The following AGPAT3 variants were observed in gnomAD, a reference collection of about 807,000 sequenced individuals.
The protein encoded by AGPAT3 is 1-acyl-sn-glycerol-3-phosphate acyltransferase gamma.
In AGPAT3, 5 loss-of-function variants were observed where a neutral mutation model predicts 47.3. The ratio of observed to expected loss-of-function variants is 0.11; its 90% CI spans 0.06 to 0.22. The LOEUF is 0.22. Among genes scored for constraint, AGPAT3 ranks in the 10% least tolerant of loss-of-function variants. AGPAT3 has a pLI of 1.00. For missense variants in AGPAT3, 315 were observed against 493.0 expected (o/e 0.64, Z 3.42); for synonymous variants, 212 against 208.3 (o/e 1.02, Z -0.15).
chr21:43,958,363 G>T (rs1480705213), intron 2 of AGPAT3, among the ~76,000 whole-genome samples: 1 of 151,860 alleles, frequency 6.6e-6, no homozygotes, highest in African/African-American at 2.4e-5. Flanking sequence ...AATTGTGTGT[G>T]TGTGGTGTAG....
intron 2 of AGPAT3, among the ~76,000 whole-genome samples, chr21:43,926,687 T>C (rs969963656): frequency 1.4e-5 from 2 of 138,646 alleles, no homozygotes; most frequent in Admixed American, 1.5e-4. Flanking sequence ...GGGCTGGGCA[T>C]AGTGGCTGAT....
intron 2 of AGPAT3, among the ~76,000 whole-genome samples, chr21:43,958,909 G>A (rs1222795782): frequency 2.1e-5 from 3 of 145,832 alleles, no homozygotes; most frequent in African/African-American, 7.6e-5. Flanking sequence ...GTGGTGGGGT[G>A]GTGTGTGTGT....
At chr21:43,875,994 G>T (rs1300085665) in intron 1 of AGPAT3, among the ~76,000 whole-genome samples, 1 of 151,558 alleles carries the variant, frequency 6.6e-6, no homozygotes, top group Non-Finnish European at 1.5e-5. Context: ...TTGCTATGTT[G>T]CCAGGGCTGG....
chr21:43,983,946 G>T lies in AGPAT3; in HGVS notation c.*1554G>T, dbSNP rs763162363. 1 of 152,266 alleles carries T rather than the reference G, an allele frequency of 6.6e-6. No individual in the cohort carries two copies. Among genetic ancestry groups the T allele is most frequent in the African/African-American group, 2.4e-5 (1 of 41,460 alleles). 9.4% of individuals were successfully genotyped at this position (152,266 alleles called of 1,614,324 possible). ...AAAAGTAAACCGAGAACATAATTAGGCATCGGGCCTAAGTGTCCTGGGGAG... is the reference window on the plus strand; with the variant it reads ...AAAAGTAAACCGAGAACATAATTAGTCATCGGGCCTAAGTGTCCTGGGGAG... On this transcript the variant is annotated 3_prime_UTR_variant, in exon 10 of 10. Coordinates refer to ENST00000291572, the MANE Select transcript of AGPAT3 (RefSeq NM_020132.5).
intron 1 of AGPAT3, among the ~76,000 whole-genome samples, chr21:43,899,361 A>G (rs761653170): frequency 1.1e-4 from 17 of 152,078 alleles, no homozygotes; most frequent in Non-Finnish European, 1.8e-4. Context: ...CTTTTTTCTC[A>G]GGTTGCTTCT....
At chr21:43,921,644 C>G (rs550916727) in intron 2 of AGPAT3, among the ~76,000 whole-genome samples, 5 of 152,350 alleles carry the variant, frequency 3.3e-5, no homozygotes, top group African/African-American at 9.6e-5. Context: ...AGACTCTGGG[C>G]TGCACCAGGT....
intron 7 of AGPAT3, among the ~76,000 whole-genome samples, chr21:43,977,811 C>T (rs192697836): frequency 2.0e-5 from 3 of 151,532 alleles, no homozygotes; most frequent in East Asian, 1.9e-4. Flanking sequence ...CACTTGAATC[C>T]GGGAGGCAGA....
chr21:43,910,874 TA>T (rs1238069745), intron 2 of AGPAT3, among the ~76,000 whole-genome samples: 4 of 152,210 alleles, frequency 2.6e-5, no homozygotes, highest in African/African-American at 9.6e-5. Flanking sequence ...GGTTGGAGGT[TA>T]AGGCGCACAA....
intron 2 of AGPAT3, among the ~76,000 whole-genome samples, chr21:43,947,401 G>T (rs960892787): frequency 2.6e-5 from 4 of 152,214 alleles, no homozygotes; most frequent in African/African-American, 9.7e-5. Context: ...AAGAGAGGCC[G>T]ACCAGGGCTG....
At chr21:43,899,896 G>A (rs765104227) in intron 1 of AGPAT3, among the ~76,000 whole-genome samples, 7 of 152,086 alleles carry the variant, frequency 4.6e-5, no homozygotes, top group Non-Finnish European at 1.0e-4. Flanking sequence ...AAGAGGCGAT[G>A]AACTGAGAGG....
At chr21:43,884,283 CCCT>C (rs1276430684) in intron 1 of AGPAT3, among the ~76,000 whole-genome samples, 1 of 148,010 alleles carries the variant, frequency 6.8e-6, no homozygotes, top group Non-Finnish European at 1.5e-5. Context: ...TCCTCCTTCC[CCCT>C]CCTCCTTCTC....
chr21:43,882,111 T>C (rs1049276243), intron 1 of AGPAT3, among the ~76,000 whole-genome samples: 1 of 152,288 alleles, frequency 6.6e-6, no homozygotes, highest in Non-Finnish European at 1.5e-5. Flanking sequence ...CCCTTGTCCC[T>C]TGGGTGAGTC....
At position 43,920,207 on chromosome 21, in the gene AGPAT3, C is replaced by CTG. The variant is rs1265483624; in HGVS notation, c.-49+16203_-49+16204dup. Among the ~76,000 whole-genome samples, 6 of 62,882 alleles carry CTG rather than the reference C, an allele frequency of 9.5e-5. No homozygotes were observed. Among genetic ancestry groups the CTG allele is most frequent in the African/African-American group, 1.6e-4 (3 of 18,938 alleles). 41.3% of individuals were successfully genotyped at this position (62,882 alleles called of 152,430 possible). ...TGGGACACTCATCATGTCTTCAGCC[C>CTG]TGTGTGTGTGTGTGTGAGAGATTGT... On this transcript the variant is annotated intron_variant, in intron 2 of 9. Coordinates refer to ENST00000291572, the MANE Select transcript of AGPAT3 (RefSeq NM_020132.5). This position sits in a 1 kb window ranked among gnomAD's most constrained non-coding sequence, Gnocchi z 6.1.
At chr21:43,913,255 CA>C (rs755876684) in intron 2 of AGPAT3, among the ~76,000 whole-genome samples, 34 of 152,166 alleles carry the variant, frequency 2.2e-4, no homozygotes, top group Non-Finnish European at 2.5e-4. Context: ...CATTCATAGT[CA>C]TATGAAGAGC....
chr21:43,960,076 A>C (rs2088755891), intron 3 of AGPAT3, among the ~76,000 whole-genome samples: 1 of 152,202 alleles, frequency 6.6e-6, no homozygotes, highest in South Asian at 2.1e-4. Flanking sequence ...GACCCATAGC[A>C]ATGGCAGCTT....
chr21:43,958,160 A>G (rs2838449), intron 2 of AGPAT3, among the ~76,000 whole-genome samples: 75,947 of 152,092 alleles, frequency 0.5, 19,779 homozygotes, highest in African/African-American at 0.66. Context: ...CCTTCACCAC[A>G]AGTTAATCAC....
intron 1 of AGPAT3, among the ~76,000 whole-genome samples, chr21:43,874,030 A>T (rs1031647250): frequency 7.2e-5 from 11 of 152,126 alleles, no homozygotes; most frequent in African/African-American, 2.7e-4. Flanking sequence ...ACTTTCTGTC[A>T]TAAGTATTTT....
At chr21:43,973,114 TAAG>T in intron 7 of AGPAT3, among the ~76,000 whole-genome samples, 1 of 152,218 alleles carries the variant, frequency 6.6e-6, no homozygotes, top group Non-Finnish European at 1.5e-5. Context: ...AACATAAACA[TAAG>T]CTAGGTAACA....
chr21:43,944,712 CTT>C (rs976441271), intron 2 of AGPAT3, among the ~76,000 whole-genome samples: 4 of 152,218 alleles, frequency 2.6e-5, no homozygotes, highest in Non-Finnish European at 4.4e-5. Context: ...CAGAACAAAA[CTT>C]GGGTTTCATC....
Sources: allele counts gnomAD v4.1 joint callset (sites outside exome capture counted in the v4.1 genomes callset), GRCh38; gene constraint gnomAD v4.1.1; non-coding constraint Gnocchi (gnomAD v3.1); transcripts MANE v1.5; gene names NCBI Gene and HGNC (gene_info 2026-07-23, HGNC 2026-07-21).